The following RAB6A variants were observed in gnomAD, a reference collection of about 807,000 sequenced individuals.
RAB6A encodes the protein ras-related protein Rab-6A.
In RAB6A, 8 loss-of-function variants were observed where a neutral mutation model predicts 32.3. That is an observed-to-expected ratio of 0.25 (90% CI 0.15 to 0.45). RAB6A has a LOEUF of 0.45. Among genes scored for constraint, RAB6A ranks in the 20% least tolerant of loss-of-function variants. The probability of loss-of-function intolerance (pLI) is 1.00; values close to 1 mark genes in which losing one functional copy is unlikely to be tolerated. For missense variants in RAB6A, 104 were observed against 249.4 expected (o/e 0.42, Z 3.93); for synonymous variants, 73 against 82.1 (o/e 0.89, Z 0.60).
intron 1 of RAB6A, among the ~76,000 whole-genome samples, chr11:73,756,628 T>A (rs1326135140): frequency 2.0e-5 from 3 of 152,172 alleles, no homozygotes; most frequent in African/African-American, 7.2e-5. Flanking sequence ...CCAGAGGTAG[T>A]AACAAAACAG....
chr11:73,733,826 G>A (rs1258387762), intron 1 of RAB6A, among the ~76,000 whole-genome samples: 1 of 152,030 alleles, frequency 6.6e-6, no homozygotes, highest in Non-Finnish European at 1.5e-5. Context: ...AGGGAGCCAA[G>A]GAATCTTCTA....
At chr11:73,707,125 G>GAAAAAAAAA (rs397744539) in intron 6 of RAB6A, among the ~76,000 whole-genome samples, 1 of 116,276 alleles carries the variant, frequency 8.6e-6, no homozygotes, top group Non-Finnish European at 1.7e-5. Flanking sequence ...TCTCAAAAAA[G>GAAAAAAAAA]AAAAAAAAAA....
At chr11:73,730,108 C>T (rs1364958418) in intron 2 of RAB6A, 2 of 152,226 alleles carry the variant, frequency 1.3e-5, no homozygotes, top group African/African-American at 4.8e-5. Context: ...TTGGCCTCAC[C>T]ATACAGGAAT....
At chr11:73,691,300 G>A (rs1178604228) in intron 6 of RAB6A, among the ~76,000 whole-genome samples, 3 of 152,152 alleles carry the variant, frequency 2.0e-5, no homozygotes, top group African/African-American at 4.8e-5. Context: ...GCTTTCTCCT[G>A]GGGTCTGCCC....
chr11:73,747,258 T>G (rs892287260), intron 1 of RAB6A, among the ~76,000 whole-genome samples: 1 of 151,092 alleles, frequency 6.6e-6, no homozygotes, highest in Non-Finnish European at 1.5e-5. Context: ...CAGGCTGGAG[T>G]GCAGTGGTGC....
At chr11:73,709,413 G>C (rs1945903642) in intron 5 of RAB6A, among the ~76,000 whole-genome samples, 1 of 148,856 alleles carries the variant, frequency 6.7e-6, no homozygotes, top group African/African-American at 2.5e-5. Context: ...TTCCAAAGGG[G>C]ACCAATGAGT....
At chr11:73,731,197 A>C (rs1366220398) in intron 1 of RAB6A, among the ~76,000 whole-genome samples, 4 of 152,184 alleles carry the variant, frequency 2.6e-5, no homozygotes, top group Non-Finnish European at 5.9e-5. Context: ...GTAGAAAGGC[A>C]AAAGATAGTC....
intron 5 of RAB6A, among the ~76,000 whole-genome samples, chr11:73,708,797 G>C (rs1273330670): frequency 6.6e-6 from 1 of 152,110 alleles, no homozygotes; most frequent in South Asian, 2.1e-4. Context: ...CCATTTACTT[G>C]CAAGTGTGCC....
intron 6 of RAB6A, among the ~76,000 whole-genome samples, chr11:73,697,617 G>C (rs1375513385): frequency 6.6e-6 from 1 of 152,052 alleles, no homozygotes; most frequent in Non-Finnish European, 1.5e-5. Flanking sequence ...AAAACACTGG[G>C]ATTACAGGCA....
chr11:73,750,093 C>T (rs1041520920), intron 1 of RAB6A, among the ~76,000 whole-genome samples: 2 of 151,974 alleles, frequency 1.3e-5, no homozygotes, highest in African/African-American at 4.8e-5. Context: ...GTGAGAGATA[C>T]GAAGGTAGAC....
chr11:73,682,162 T>C (rs749066809), intron 6 of RAB6A, among the ~76,000 whole-genome samples: 11 of 152,122 alleles, frequency 7.2e-5, no homozygotes, highest in South Asian at 2.1e-4. Context: ...GTTTGAAACA[T>C]AGATAAATAT....
chr11:73,709,339 G>C (rs1945902430), intron 5 of RAB6A, among the ~76,000 whole-genome samples: 1 of 151,764 alleles, frequency 6.6e-6, no homozygotes, highest in Admixed American at 6.6e-5. Context: ...AGAACAAGGA[G>C]GGAGGGAGTG....
intron 2 of RAB6A, among the ~76,000 whole-genome samples, chr11:73,723,931 C>T (rs1397484339): frequency 6.6e-6 from 1 of 152,108 alleles, no homozygotes; most frequent in African/African-American, 2.4e-5. Context: ...TAAACCAGTA[C>T]CCTGCATTTC....
chr11:73,701,810 C>T (rs1023214745), intron 6 of RAB6A, among the ~76,000 whole-genome samples: 1 of 152,024 alleles, frequency 6.6e-6, no homozygotes, highest in South Asian at 2.1e-4. Context: ...GGGTTAATTT[C>T]TGTGTTTTTT....
At chr11:73,679,814 G>A (rs1267399188) in intron 6 of RAB6A, 94 bp from the exon 7 acceptor site, 18 of 1,518,390 alleles carry the variant, frequency 1.2e-5, no homozygotes, top group African/African-American at 2.7e-5. Context: ...GTCTAATGCT[G>A]GGCGCAGTGG....
At chr11:73,690,789 G>A (rs989096713) in intron 6 of RAB6A, among the ~76,000 whole-genome samples, 3 of 151,034 alleles carry the variant, frequency 2.0e-5, no homozygotes, top group Admixed American at 6.6e-5. Flanking sequence ...GGAAGGGTCC[G>A]GGTATGGGGG....
At chr11:73,709,888 CAT>C (rs1221710907) in intron 5 of RAB6A, among the ~76,000 whole-genome samples, 5 of 146,094 alleles carry the variant, frequency 3.4e-5, no homozygotes, top group Non-Finnish European at 4.5e-5. Flanking sequence ...TACATATATA[CAT>C]ATATATACAC....
At chr11:73,711,009 A>G (rs1402074547) in intron 5 of RAB6A, among the ~76,000 whole-genome samples, 1 of 152,142 alleles carries the variant, frequency 6.6e-6, no homozygotes, top group Non-Finnish European at 1.5e-5. Flanking sequence ...TCATGGGCCC[A>G]CTAATTGGGA....
intron 1 of RAB6A, among the ~76,000 whole-genome samples, chr11:73,742,448 GT>G (rs1474205858): frequency 2.6e-5 from 4 of 151,844 alleles, no homozygotes; most frequent in Non-Finnish European, 4.4e-5. Flanking sequence ...AAAAAAACTT[GT>G]TTAACTACAT....
Sources: gnomAD v4.1 joint callset for allele counts (sites outside exome capture counted in the v4.1 genomes callset) on GRCh38, gnomAD v4.1.1 for gene constraint, MANE v1.5 for transcripts, NCBI Gene and HGNC (gene_info 2026-07-23, HGNC 2026-07-21) for gene names.